Variants in POLR2F observed in about 807,000 individuals in gnomAD.
POLR2F encodes RNA polymerase II, I and III subunit F.
POLR2F carries 12 observed loss-of-function variants against 22.7 expected under a neutral mutation model. The ratio of observed to expected loss-of-function variants is 0.53; its 90% CI spans 0.34 to 0.86. POLR2F has a LOEUF of 0.86. Ranked by LOEUF, POLR2F falls within the 40% of genes least tolerant of loss-of-function variation. The pLI, the probability that POLR2F is intolerant of heterozygous loss-of-function variation, is 0.02. For missense variants in POLR2F, 126 were observed against 171.5 expected (o/e 0.73, Z 1.48); for synonymous variants, 57 against 66.0 (o/e 0.86, Z 0.66).
chr22:38,029,683 C>G (rs1041446463), downstream of POLR2F, among the ~76,000 whole-genome samples: 3 of 152,128 alleles, frequency 2.0e-5, no homozygotes, highest in Non-Finnish European at 4.4e-5. Flanking sequence ...AAGCAGTGAC[C>G]AGTCTGTCCT....
chr22:37,966,901 C>T (rs370791507), intron 3 of POLR2F, among the ~76,000 whole-genome samples, 198 bp from the exon 4 acceptor site: 2 of 152,210 alleles, frequency 1.3e-5, no homozygotes, highest in African/African-American at 4.8e-5. Context: ...GCTGTGGCCG[C>T]TGGACTCCGG....
chr22:37,972,057 GA>G (rs1329236060), downstream of POLR2F, among the ~76,000 whole-genome samples: 1 of 143,750 alleles, frequency 7.0e-6, no homozygotes, highest in East Asian at 2.1e-4. Context: ...AGGAGAGTGG[GA>G]GGGGGGAGAG....
intron 1 of POLR2F, among the ~76,000 whole-genome samples, chr22:37,990,685 C>T (rs759077306): frequency 6.6e-6 from 1 of 152,254 alleles, no homozygotes; most frequent in Non-Finnish European, 1.5e-5. Context: ...GGCCTCTGGA[C>T]CCCAAGAGCT....
At chr22:38,032,548 C>T (rs763155854) in intron 5 of POLR2F, 3 of 152,290 alleles carry the variant, frequency 2.0e-5, no homozygotes, top group Non-Finnish European at 4.4e-5. Context: ...GCACATAGTC[C>T]ACTGAGCTCT....
upstream of POLR2F, among the ~76,000 whole-genome samples, chr22:37,982,271 CT>C (rs1482204185): frequency 2.0e-5 from 3 of 152,138 alleles, no homozygotes; most frequent in Non-Finnish European, 4.4e-5. Flanking sequence ...TCTATGTGAC[CT>C]TTGTGATTCC....
At position 38,014,868 on chromosome 22, in the gene POLR2F, C is replaced by T. The variant is rs1416985433; in HGVS notation, c.121-11001C>T. ...TGTCGCCCAGGCTGGAGTGCAGTGG[C>T]GCGATCTTGGCTAACTGCAAGCTCT... On this transcript the variant is annotated intron_variant, in intron 1 of 2. Transcript: ENST00000333418. 1.5e-4 allele frequency among the ~76,000 whole-genome samples: 21 copies of T among 143,088 alleles called. 1 individual carries two copies. Among genetic ancestry groups the T allele is most frequent in the Non-Finnish European group, 2.3e-4 (15 of 66,220 alleles). The allele number at this position is 143,088 out of a possible 152,430, so 93.9% of individuals were successfully genotyped here.
At chr22:38,014,011 A>G (rs2145812743) in intron 1 of POLR2F, among the ~76,000 whole-genome samples, 1 of 151,080 alleles carries the variant, frequency 6.6e-6, no homozygotes, top group Non-Finnish European at 1.5e-5. Context: ...AATCCCAGCT[A>G]CTCGGGAGGC....
At chr22:38,027,195 C>A (rs2085021064), downstream of POLR2F, among the ~76,000 whole-genome samples, 4 of 152,184 alleles carry the variant, frequency 2.6e-5, no homozygotes, top group Non-Finnish European at 5.9e-5. Context: ...TTCGTTCATT[C>A]ATTCATCAAC....
downstream of POLR2F, among the ~76,000 whole-genome samples, chr22:38,027,524 C>T (rs538930482): frequency 3.3e-5 from 5 of 152,180 alleles, no homozygotes; most frequent in Admixed American, 6.5e-5. Context: ...TCCTTCTGCC[C>T]GGAACTCCCT....
intron 1 of POLR2F, among the ~76,000 whole-genome samples, chr22:37,998,519 G>A (rs941906728): frequency 1.3e-5 from 2 of 152,198 alleles, no homozygotes; most frequent in Non-Finnish European, 2.9e-5. Context: ...TGGGCAGGTT[G>A]GGGTGGTCCT....
Position 38,011,739 on chromosome 22 carries a change from C to T in POLR2F, c.121-14130C>T, listed in dbSNP as rs145536690. 1.1e-4 allele frequency among the ~76,000 whole-genome samples: 17 copies of T among 151,934 alleles called. No individual in the cohort carries two copies. In the East Asian group the frequency reaches 3.3e-3, roughly 29 times the overall value. On this transcript the variant is annotated intron_variant, in intron 1 of 2. Transcript: ENST00000333418. ...CAAAATTCCTGTACTAGTCTGGATC[C>T]TTTGTGTTTCCATATAAATTTCAAA...
chr22:38,029,888 T>C (rs1377860727), downstream of POLR2F, among the ~76,000 whole-genome samples: 2 of 152,176 alleles, frequency 1.3e-5, no homozygotes, highest in African/African-American at 2.4e-5. Flanking sequence ...GAAACATTGA[T>C]TGAACACCAA....
chr22:37,960,368 C>T (rs1283609540), intron 3 of POLR2F, among the ~76,000 whole-genome samples: 1 of 151,958 alleles, frequency 6.6e-6, no homozygotes, highest in African/African-American at 2.4e-5. Context: ...GGACTACAGG[C>T]GTCCACCACC....
At chr22:38,015,372 G>C (rs1373104988) in intron 1 of POLR2F, among the ~76,000 whole-genome samples, 1 of 152,160 alleles carries the variant, frequency 6.6e-6, no homozygotes, top group Non-Finnish European at 1.5e-5. Flanking sequence ...TGGGTGAACA[G>C]GAGACTTTCC....
At chr22:38,008,857 C>CAA (rs551540324) in intron 1 of POLR2F, among the ~76,000 whole-genome samples, 2 of 82,514 alleles carry the variant, frequency 2.4e-5, no homozygotes, top group Admixed American at 1.4e-4. Flanking sequence ...GATGCTGTCT[C>CAA]AAAAAAAAAA....
chr22:37,987,329 G>A (rs1233273869), intron 1 of POLR2F: 1 of 456,132 alleles, frequency 2.2e-6, no homozygotes, highest in South Asian at 1.5e-5. Context: ...CAGAGAGGAG[G>A]AGAGGAAAGG....
chr22:37,975,946 G>A (rs1223944276), intron 4 of POLR2F, among the ~76,000 whole-genome samples: 1 of 151,918 alleles, frequency 6.6e-6, no homozygotes, highest in Non-Finnish European at 1.5e-5. Context: ...TATATATATA[G>A]TAAGAGATAG....
At chr22:38,006,408 A>G (rs1195076432) in intron 1 of POLR2F, among the ~76,000 whole-genome samples, 1 of 152,102 alleles carries the variant, frequency 6.6e-6, no homozygotes, top group East Asian at 1.9e-4. Flanking sequence ...GACCACAGCC[A>G]CCCAGCCCAT....
rs544953525 is a variant in POLR2F at position 37,959,259 on chromosome 22, G to A, written c.91-87G>A. 1.0e-5 allele frequency: 14 copies of A among 1,406,668 alleles called. 2 individuals are homozygous for A. The highest frequency in any genetic ancestry group is 3.6e-4 in the Middle Eastern group (2 of 5,532). 87.1% of individuals were successfully genotyped at this position (1,406,668 alleles called of 1,614,324 possible). ...AGTAAGCATTAACGGTGGCTGTAGC[G>A]AGAATTGTGATTGTTGTCATTATCA... is the stretch of plus-strand genomic sequence containing the variant. On this transcript the variant is annotated intron_variant, in intron 2 of 4. Transcript: ENST00000442738.
Sources: gnomAD v4.1 joint callset for allele counts (sites outside exome capture counted in the v4.1 genomes callset) on GRCh38, gnomAD v4.1.1 for gene constraint, MANE v1.5 for transcripts, NCBI Gene and HGNC (gene_info 2026-07-23, HGNC 2026-07-21) for gene names.